The following ZNF676 variants were observed in gnomAD, a reference collection of about 807,000 sequenced individuals.
ZNF676 encodes zinc finger protein 676.
ZNF676 carries 4 observed loss-of-function variants against 6.0 expected under a neutral mutation model. The observed-to-expected ratio is 0.67, with a 90% CI of 0.33 to 1.53. The LOEUF is 1.53. Among genes scored for constraint, ZNF676 ranks in the 40% most tolerant of loss-of-function variants. The pLI is 0.06. For missense variants in ZNF676, 644 were observed against 679.7 expected, an observed-to-expected ratio of 0.95 and a Z score of 0.58; for synonymous variants, 198 against 223.1, an observed-to-expected ratio of 0.89 and a Z score of 1.00.
At chr19:22,251,005 C>A in the ZNF676 span, among the ~76,000 whole-genome samples, 7 of 152,136 alleles carry the variant, frequency 4.6e-5, no homozygotes, top group Non-Finnish European at 1.0e-4. Flanking sequence ...AGCCACTATG[C>A]CTGGCCAGGA....
At chr19:22,244,948 G>T in the ZNF676 span, 37,467 of 151,982 alleles carry the variant, frequency 0.25, 5,281 homozygotes, top group South Asian at 0.44. Context: ...TCTTTGGCAT[G>T]GCCGAGGAAG....
chr19:22,235,532 C>CCTGGACCA, the ZNF676 span, among the ~76,000 whole-genome samples: 2 of 152,268 alleles, frequency 1.3e-5, no homozygotes, highest in Admixed American at 6.5e-5. Flanking sequence ...CTTGACAGGC[C>CCTGGACCA]CTGGACCACT....
the ZNF676 span, among the ~76,000 whole-genome samples, chr19:22,240,926 C>T: frequency 6.6e-6 from 1 of 151,934 alleles, no homozygotes; most frequent in Non-Finnish European, 1.5e-5. Flanking sequence ...TTCATAATGT[C>T]CCCTGTAGGA....
chr19:22,239,288 G>A, the ZNF676 span, among the ~76,000 whole-genome samples: 3 of 145,804 alleles, frequency 2.1e-5, no homozygotes, highest in Non-Finnish European at 4.4e-5. Flanking sequence ...TGCAACTCCT[G>A]CCTCAGCCTC....
chr19:22,192,303 T>C (rs2023917740), intron 2 of ZNF676, among the ~76,000 whole-genome samples: 1 of 152,048 alleles, frequency 6.6e-6, no homozygotes, highest in East Asian at 1.9e-4. Flanking sequence ...CAATGAAAAA[T>C]GAGAGAACAC....
chr19:22,224,276 A>T, the ZNF676 span, among the ~76,000 whole-genome samples: 1 of 150,508 alleles, frequency 6.6e-6, no homozygotes, highest in South Asian at 2.1e-4. Context: ...ATATCAGTGA[A>T]TTTTTTTTGT....
At chr19:22,240,561 AG>A in the ZNF676 span, among the ~76,000 whole-genome samples, 1 of 151,952 alleles carries the variant, frequency 6.6e-6, no homozygotes, top group African/African-American at 2.4e-5. Context: ...TGGGAGGCTG[AG>A]GAGGGTGGAT....
At chr19:22,215,642 C>T in exon 1 of ZNF676, 1 of 1,610,918 alleles carries the variant, frequency 6.2e-7, no homozygotes, top group Non-Finnish European at 8.5e-7. Flanking sequence ...CATTTCTAGG[C>T]TTCCAGGGGG....
chr19:22,216,205 C>CG (rs777809540), upstream of ZNF676, among the ~76,000 whole-genome samples: 1 of 152,122 alleles, frequency 6.6e-6, no homozygotes, highest in Non-Finnish European at 1.5e-5. Flanking sequence ...GAGGCCGAGG[C>CG]GGGTGGATCA....
chr19:22,227,886 T>C, the ZNF676 span, among the ~76,000 whole-genome samples: 800 of 152,130 alleles, frequency 5.3e-3, 8 homozygotes, highest in African/African-American at 0.018. Context: ...AACCAAAAAA[T>C]ACCTGGGACC....
chr19:22,221,676 G>C, the ZNF676 span, among the ~76,000 whole-genome samples: 1 of 151,952 alleles, frequency 6.6e-6, no homozygotes, highest in Non-Finnish European at 1.5e-5. Flanking sequence ...CCTTGAACTT[G>C]GGAGGCAGAG....
rs1332891388 is a variant in ZNF676 at position 22,189,747 on chromosome 19, T to A, written c.130+3269A>T. Among the ~76,000 whole-genome samples the A allele has an allele frequency of 2.6e-5, 4 of 152,242 alleles. No homozygotes were observed. In the East Asian group the frequency reaches 7.7e-4, roughly 29 times the overall value. On this transcript the variant is annotated intron_variant, in intron 2 of 2. Transcript: ENST00000397121. ...GACACTTCTCAAAAGAAGACATTTA[T>A]GCAGCGAACAGACACATGAAAAAAA...
the ZNF676 span, among the ~76,000 whole-genome samples, chr19:22,237,579 G>C: frequency 3.9e-5 from 6 of 152,134 alleles, no homozygotes; most frequent in South Asian, 4.1e-4. Context: ...TTGAGGGTGG[G>C]TCCTGAGAAG....
upstream of ZNF676, chr19:22,197,003 CA>C: frequency 3.0e-6 from 1 of 329,892 alleles, no homozygotes; most frequent in East Asian, 7.8e-5. Flanking sequence ...CTAACATGTA[CA>C]ATTTTGAGTG....
At chr19:22,197,254 G>A (rs772137131), upstream of ZNF676, among the ~76,000 whole-genome samples, 11 of 151,576 alleles carry the variant, frequency 7.3e-5, no homozygotes, top group South Asian at 1.0e-3. Flanking sequence ...CCCAGGAGGC[G>A]GAGGCTGCAG....
At chr19:22,215,798 C>A (rs1056827832), upstream of ZNF676, 5 of 138,170 alleles carry the variant, frequency 3.6e-5, no homozygotes, top group Non-Finnish European at 4.9e-5. Context: ...GCCGACCTGT[C>A]CCCCCCCCCA....
chr19:22,193,394 G>C (rs560602121), intron 1 of ZNF676, among the ~76,000 whole-genome samples: 17 of 152,224 alleles, frequency 1.1e-4, no homozygotes, highest in Non-Finnish European at 2.1e-4. Flanking sequence ...TGGAAAACTG[G>C]AACAGAGTAG....
chr19:22,239,484 CTG>C, the ZNF676 span, among the ~76,000 whole-genome samples: 2 of 152,068 alleles, frequency 1.3e-5, no homozygotes, highest in East Asian at 3.9e-4. Context: ...CTGCCCCAAA[CTG>C]TGAATTTTTT....
In ZNF676 at chr19:22,189,292, T is replaced by G. The variant is rs146445147; in HGVS notation, c.130+3724A>C. 4.1e-3 allele frequency among the ~76,000 whole-genome samples: 620 copies of G among 152,236 alleles called. 5 individuals are homozygous for G. Among genetic ancestry groups the G allele is most frequent in the African/African-American group, 0.014 (587 of 41,550 alleles). On this transcript the variant is annotated intron_variant, in intron 2 of 2. Coordinates refer to ENST00000397121, the MANE Select transcript of ZNF676 (RefSeq NM_001001411.3). The stretch of plus-strand genomic sequence containing the variant: ...ATTTAATAAATGATGTTGAAAAAAC[T>G]TGCTAGCCATATGCAGAAAAATGAA...
Sources: allele counts gnomAD v4.1 joint callset (sites outside exome capture counted in the v4.1 genomes callset), GRCh38; gene constraint gnomAD v4.1.1; transcripts MANE v1.5; gene names NCBI Gene and HGNC (gene_info 2026-07-23, HGNC 2026-07-21).